The following IGSF21 variants were observed in gnomAD, a reference collection of about 807,000 sequenced individuals.
IGSF21 encodes the protein immunoglobin superfamily member 21.
A neutral mutation model predicts 46.8 loss-of-function variants in IGSF21; 28 were observed. The ratio of observed to expected loss-of-function variants is 0.60; its 90% confidence interval spans 0.44 to 0.82. The LOEUF (loss-of-function observed/expected upper bound fraction) is 0.82, where lower values mean the gene tolerates loss of function less well. IGSF21 is among the 40% of genes least tolerant of loss of function. The pLI is 0.00. For synonymous variants in IGSF21, 284 were observed against 273.6 expected (o/e 1.04, Z -0.38); for missense variants, 624 against 665.5 (o/e 0.94, Z 0.69).
intron 2 of IGSF21, among the ~76,000 whole-genome samples, chr1:18,230,826 C>T (rs1018480478): frequency 5.3e-5 from 8 of 152,056 alleles, no homozygotes; most frequent in African/African-American, 1.9e-4. Flanking sequence ...GCAACAGGAG[C>T]TCCAGTCTCC....
chr1:18,223,268 C>T (rs572217304), intron 1 of IGSF21, among the ~76,000 whole-genome samples: 38 of 152,364 alleles, frequency 2.5e-4, no homozygotes, highest in African/African-American at 8.4e-4. Context: ...TCACCTGGCC[C>T]AGCTCCTGCA....
intron 2 of IGSF21, among the ~76,000 whole-genome samples, chr1:18,286,978 G>A (rs373137610): frequency 3.3e-5 from 5 of 151,860 alleles, no homozygotes; most frequent in Non-Finnish European, 5.9e-5. Context: ...TCAGGAGATC[G>A]AGACCATCCC....
At chr1:18,113,124 G>A (rs1022271473) in intron 1 of IGSF21, 8 of 152,226 alleles carry the variant, frequency 5.3e-5, no homozygotes, top group African/African-American at 1.9e-4. Context: ...TCACTGGAAA[G>A]GGAGTACAGC....
intron 3 of IGSF21, among the ~76,000 whole-genome samples, chr1:18,310,497 G>A (rs1330316775): frequency 6.6e-6 from 1 of 152,216 alleles, no homozygotes; most frequent in Non-Finnish European, 1.5e-5. Flanking sequence ...CTATTCTCCT[G>A]TGGAGTGGCA....
chr1:18,181,804 T>C (rs2086860233), intron 1 of IGSF21, among the ~76,000 whole-genome samples: 1 of 152,078 alleles, frequency 6.6e-6, no homozygotes, highest in Non-Finnish European at 1.5e-5. Flanking sequence ...AGCATTTGGG[T>C]CAGTGTGAGG....
At chr1:18,274,888 T>C (rs1028819663) in intron 2 of IGSF21, among the ~76,000 whole-genome samples, 37 of 152,298 alleles carry the variant, frequency 2.4e-4, no homozygotes, top group Admixed American at 1.3e-3. Context: ...TAGCTGGATG[T>C]GGTGGCATGC....
intron 8 of IGSF21, 34 bp from the exon 9 acceptor site, chr1:18,377,359 A>G: frequency 1.4e-5 from 22 of 1,603,602 alleles, no homozygotes; most frequent in Non-Finnish European, 1.9e-5. Context: ...AAGGCCATCC[A>G]CCCTTTGGTT....
chr1:18,201,818 C>T (rs528792260), intron 1 of IGSF21, among the ~76,000 whole-genome samples: 2 of 152,344 alleles, frequency 1.3e-5, no homozygotes, highest in East Asian at 1.9e-4. Flanking sequence ...TCCACAAAGT[C>T]AACAGTGGGA....
At chr1:18,140,070 G>A (rs1245542566) in intron 1 of IGSF21, among the ~76,000 whole-genome samples, 2 of 152,122 alleles carry the variant, frequency 1.3e-5, no homozygotes, top group African/African-American at 2.4e-5. Flanking sequence ...TCAGCCTCCT[G>A]AGTAGCTGAG....
At chr1:18,254,375 TAACCC>T (rs2084870722) in intron 2 of IGSF21, among the ~76,000 whole-genome samples, 1 of 152,026 alleles carries the variant, frequency 6.6e-6, no homozygotes, top group Non-Finnish European at 1.5e-5. Context: ...ACCCTAACCC[TAACCC>T]TAACCCTAAC....
chr1:18,116,929 A>G (rs2086194206), intron 1 of IGSF21, among the ~76,000 whole-genome samples: 1 of 152,194 alleles, frequency 6.6e-6, no homozygotes, highest in Non-Finnish European at 1.5e-5. Flanking sequence ...TGGAGCTATG[A>G]GGCTCCTGGC....
chr1:18,377,094 G>C, intron 8 of IGSF21, 102 bp downstream of exon 8: 1 of 1,298,326 alleles, frequency 7.7e-7, no homozygotes, highest in African/African-American at 1.5e-5. Flanking sequence ...CAAAATTTTG[G>C]GCCTAAATCT....
intron 4 of IGSF21, among the ~76,000 whole-genome samples, chr1:18,358,644 C>A (rs1277198265): frequency 6.6e-6 from 1 of 152,244 alleles, no homozygotes; most frequent in African/African-American, 2.4e-5. Flanking sequence ...GTTAGTAAAT[C>A]ACACTGACAA....
intron 1 of IGSF21, among the ~76,000 whole-genome samples, chr1:18,124,078 G>A (rs1205104716): frequency 4.6e-5 from 7 of 152,156 alleles, no homozygotes; most frequent in Non-Finnish European, 1.0e-4. Context: ...TTTTGACAAG[G>A]TGCTGCCTCC....
chr1:18,369,666 G>A (rs2086204863), intron 6 of IGSF21, among the ~76,000 whole-genome samples: 1 of 152,192 alleles, frequency 6.6e-6, no homozygotes, highest in South Asian at 2.1e-4. Context: ...TGACCTCAGA[G>A]CACAAAATCC....
At chr1:18,182,173 C>CTTTT (rs35016415) in intron 1 of IGSF21, among the ~76,000 whole-genome samples, 10 of 108,946 alleles carry the variant, frequency 9.2e-5, no homozygotes, top group East Asian at 3.0e-4. Context: ...TGAAAGGTGT[C>CTTTT]TTTTTTTTTT....
intron 3 of IGSF21, among the ~76,000 whole-genome samples, chr1:18,333,035 G>A (rs555431442): frequency 9.2e-5 from 14 of 152,196 alleles, no homozygotes; most frequent in African/African-American, 1.9e-4. Context: ...TGGGAAGTGT[G>A]TCCAGGAGGC....
At chr1:18,360,480 T>C (rs971850400) in intron 4 of IGSF21, among the ~76,000 whole-genome samples, 2 of 152,168 alleles carry the variant, frequency 1.3e-5, no homozygotes, top group Admixed American at 6.5e-5. Flanking sequence ...TGTTTCATCA[T>C]TGGGCACCTC....
At chr1:18,342,946 T>G (rs923327476) in intron 4 of IGSF21, among the ~76,000 whole-genome samples, 2 of 152,220 alleles carry the variant, frequency 1.3e-5, no homozygotes, top group Non-Finnish European at 2.9e-5. Flanking sequence ...CTCTTGGGTA[T>G]GTATCCTTGG....
Sources: gnomAD v4.1 joint callset for allele counts (sites outside exome capture counted in the v4.1 genomes callset) on GRCh38, gnomAD v4.1.1 for gene constraint, MANE v1.5 for transcripts, NCBI Gene and HGNC (gene_info 2026-07-23, HGNC 2026-07-21) for gene names.